The following TSPAN5 variants were observed in gnomAD, a reference collection of about 807,000 sequenced individuals.
TSPAN5 encodes the protein tetraspanin-5.
A neutral mutation model predicts 37.1 loss-of-function variants in TSPAN5; 10 were observed. That is an observed-to-expected ratio of 0.27 (90% CI 0.17 to 0.46). The LOEUF (loss-of-function observed/expected upper bound fraction) is 0.46. Ranked by LOEUF, TSPAN5 falls within the 20% of genes least tolerant of loss-of-function variation. The pLI is 1.00. For synonymous variants in TSPAN5, 110 were observed against 118.9 expected (o/e 0.93, Z 0.48); for missense variants, 195 against 326.6 (o/e 0.60, Z 3.11).
chr4:98,562,725 G>C (rs914595674), intron 1 of TSPAN5, among the ~76,000 whole-genome samples: 6 of 152,078 alleles, frequency 3.9e-5, no homozygotes, highest in African/African-American at 1.4e-4. Flanking sequence ...AACTATACGG[G>C]GAGGACTGAG....
chr4:98,587,321 C>G (rs1209926324), intron 1 of TSPAN5, among the ~76,000 whole-genome samples: 1 of 152,218 alleles, frequency 6.6e-6, no homozygotes, highest in African/African-American at 2.4e-5. Context: ...CCCGTGGTAT[C>G]CAGACACCAT....
At position 98,565,616 on chromosome 4, in the gene TSPAN5, C is replaced by T. The variant is rs151080908; in HGVS notation, c.82-57888G>A. The stretch of plus-strand genomic sequence containing the variant: ...CACCTACATACATCTCATCCCATTG[C>T]TCTGTATTAAATTTGGACTGCTTAA... On this transcript the variant is annotated intron_variant, in intron 1 of 7. Coordinates refer to ENST00000305798, the MANE Select transcript of TSPAN5 (RefSeq NM_005723.4). Among the ~76,000 whole-genome samples the T allele has an allele frequency of 4.3e-3, 653 of 152,310 alleles. 3 individuals carry two copies. Among genetic ancestry groups the T allele is most frequent in the Middle Eastern group, 0.017 (5 of 294 alleles).
At chr4:98,604,545 T>G (rs773575808) in intron 1 of TSPAN5, among the ~76,000 whole-genome samples, 1 of 152,252 alleles carries the variant, frequency 6.6e-6, no homozygotes, top group Non-Finnish European at 1.5e-5. Context: ...GCAAAGACTA[T>G]GAAGTAATGT....
At chr4:98,536,486 C>T (rs1046562217) in intron 1 of TSPAN5, among the ~76,000 whole-genome samples, 3 of 152,224 alleles carry the variant, frequency 2.0e-5, no homozygotes, top group Admixed American at 2.0e-4. Flanking sequence ...CAGGGACCCA[C>T]TTGAGGAGGC....
chr4:98,564,733 C>T lies in TSPAN5; in HGVS notation c.82-57005G>A, dbSNP rs148625363. Among the ~76,000 whole-genome samples, 3,228 of 151,062 alleles carry T rather than the reference C, an allele frequency of 0.021. 213 individuals carry two copies. In the East Asian group the frequency reaches 0.24, roughly 11 times the overall value. On this transcript the variant is annotated intron_variant, in intron 1 of 7. Transcript: ENST00000305798. Reference sequence around the variant, plus strand: ...CTTTTTTGAGATGGAGTCTTGCTGTCACCCAGGCTGGAGTGCAGTGGCATG... The same window carrying T: ...CTTTTTTGAGATGGAGTCTTGCTGTTACCCAGGCTGGAGTGCAGTGGCATG...
intron 1 of TSPAN5, among the ~76,000 whole-genome samples, chr4:98,655,136 C>T (rs1038446044): frequency 6.6e-6 from 1 of 152,132 alleles, no homozygotes; most frequent in East Asian, 1.9e-4. Flanking sequence ...TGAGCCACCG[C>T]GCCCAGCCTT....
In TSPAN5 at chr4:98,500,866, A is replaced by C. The variant is rs111767720; in HGVS notation, c.132+6812T>G. Among the ~76,000 whole-genome samples the C allele has an allele frequency of 1.7e-3, 264 of 152,288 alleles. 2 individuals are homozygous for C. Among genetic ancestry groups the C allele is most frequent in the African/African-American group, 5.9e-3 (246 of 41,564 alleles). Reference sequence around the variant, plus strand: ...AAGGAGTTTCCAGGCCAGACAAGCCAGGAGTAGGTATCCACTCTGCTTAGT... The same window carrying C: ...AAGGAGTTTCCAGGCCAGACAAGCCCGGAGTAGGTATCCACTCTGCTTAGT... On this transcript the variant is annotated intron_variant, in intron 2 of 7. Coordinates refer to ENST00000305798, the MANE Select transcript of TSPAN5 (RefSeq NM_005723.4).
Position 98,486,772 on chromosome 4 carries a change from C to A in TSPAN5, c.245G>T (p.Gly82Val). The change falls in exon 3 of 8, where the codon GGA (glycine) becomes GTA (valine). Residue 82 changes from glycine to valine, a missense_variant. Coordinates refer to ENST00000305798, the MANE Select transcript of TSPAN5 (RefSeq NM_005723.4). ...AAGGAAAGTGTTTTCCCGTAGCGCTCCAATGCACCCTGCAAATCCCAAAAT... is the reference window on the plus strand; with the variant it reads ...AAGGAAAGTGTTTTCCCGTAGCGCTACAATGCACCCTGCAAATCCCAAAAT... ...MFILGFAGCI[G>V]ALRENTFLLK... is the part of the protein sequence containing the mutation. 1.2e-6 allele frequency: 2 copies of A among 1,614,046 alleles called. No homozygotes were observed. The highest frequency in any genetic ancestry group is 1.7e-6 in the Non-Finnish European group (2 of 1,180,024).
chr4:98,580,804 C>T (rs1484520664), intron 1 of TSPAN5, among the ~76,000 whole-genome samples: 2 of 152,086 alleles, frequency 1.3e-5, no homozygotes, highest in African/African-American at 2.4e-5. Context: ...ATTGGAGACC[C>T]GTACAGGAAG....
chr4:98,550,449 T>C (rs895251038), intron 1 of TSPAN5, among the ~76,000 whole-genome samples: 8 of 152,210 alleles, frequency 5.3e-5, no homozygotes, highest in Non-Finnish European at 5.9e-5. Context: ...AAGGATTATA[T>C]TGAATCTGTA....
chr4:98,630,336 G>T (rs766633073), intron 1 of TSPAN5, among the ~76,000 whole-genome samples: 1 of 152,118 alleles, frequency 6.6e-6, no homozygotes, highest in East Asian at 1.9e-4. Flanking sequence ...ATCCCTACCC[G>T]CCTCCAATAC....
chr4:98,633,455 T>C (rs1374809622), intron 1 of TSPAN5, among the ~76,000 whole-genome samples: 1 of 152,188 alleles, frequency 6.6e-6, no homozygotes, highest in East Asian at 1.9e-4. Context: ...TCCTGAGTGA[T>C]ACAGGAAGTT....
chr4:98,522,180 C>G (rs1482054816), intron 1 of TSPAN5, among the ~76,000 whole-genome samples: 2 of 152,228 alleles, frequency 1.3e-5, no homozygotes, highest in African/African-American at 4.8e-5. Context: ...GCCCAACCCC[C>G]ACATTAGGCA....
In TSPAN5 at chr4:98,618,171, T is replaced by C. The variant is rs567247447; in HGVS notation, c.81+39975A>G. Among the ~76,000 whole-genome samples, 43 of 152,238 alleles carry C rather than the reference T, an allele frequency of 2.8e-4. 1 individual carries two copies. In the South Asian group the frequency reaches 8.9e-3, roughly 32 times the overall value. ...TTAACTCCCACAGATGTTAGAAAAA[T>C]GTAGAAAAGTGCATTCAATTTTCTA... On this transcript the variant is annotated intron_variant, in intron 1 of 7. Coordinates refer to ENST00000305798, the MANE Select transcript of TSPAN5 (RefSeq NM_005723.4).
intron 1 of TSPAN5, among the ~76,000 whole-genome samples, chr4:98,529,153 A>T (rs1754025354): frequency 6.6e-6 from 1 of 152,220 alleles, no homozygotes; most frequent in South Asian, 2.1e-4. Flanking sequence ...GAAAACACAC[A>T]CACAGATGCA....
At chr4:98,530,322 C>G (rs1010722384) in intron 1 of TSPAN5, among the ~76,000 whole-genome samples, 1 of 152,188 alleles carries the variant, frequency 6.6e-6, no homozygotes, top group Non-Finnish European at 1.5e-5. Context: ...TCAGCCTGTG[C>G]CAGGAGCTAT....
intron 2 of TSPAN5, among the ~76,000 whole-genome samples, chr4:98,492,311 G>C (rs1753101596): frequency 6.6e-6 from 1 of 152,206 alleles, no homozygotes; most frequent in Admixed American, 6.5e-5. Flanking sequence ...GTGAGAAGCA[G>C]AAAACCGCGC....
intron 1 of TSPAN5, among the ~76,000 whole-genome samples, chr4:98,566,546 G>A (rs2110175505): frequency 6.6e-6 from 1 of 152,310 alleles, no homozygotes; most frequent in Admixed American, 6.5e-5. Flanking sequence ...GAGCAGCCAT[G>A]GGAAAAAAAG....
At chr4:98,603,604 T>A (rs1240577773) in intron 1 of TSPAN5, among the ~76,000 whole-genome samples, 1 of 152,188 alleles carries the variant, frequency 6.6e-6, no homozygotes, top group Non-Finnish European at 1.5e-5. Flanking sequence ...CCAGAGAGCT[T>A]ACCTATCAGG....
Sources: gnomAD v4.1 joint callset for allele counts (sites outside exome capture counted in the v4.1 genomes callset) on GRCh38, gnomAD v4.1.1 for gene constraint, MANE v1.5 for transcripts, NCBI Gene and HGNC (gene_info 2026-07-23, HGNC 2026-07-21) for gene names.